Variants in CATSPERD observed in about 807,000 individuals in gnomAD.
The protein encoded by CATSPERD is catsper channel auxiliary subunit delta, also known as cation channel sperm-associated auxiliary subunit delta.
In CATSPERD, 86 loss-of-function variants were observed where a neutral mutation model predicts 98.1. The ratio of observed to expected loss-of-function variants is 0.88; its 90% CI spans 0.74 to 1.05. CATSPERD has a LOEUF of 1.05. Ranked by LOEUF, CATSPERD falls within the 50% of genes least tolerant of loss-of-function variation. The pLI, the probability that CATSPERD is intolerant of heterozygous loss-of-function variation, is 0.00. For missense variants in CATSPERD, 995 were observed against 1,005.7 expected, an observed-to-expected ratio of 0.99 and a Z score of 0.14; for synonymous variants, 394 against 390.2, an observed-to-expected ratio of 1.01 and a Z score of -0.12.
intron 7 of CATSPERD, among the ~76,000 whole-genome samples, chr19:5,743,456 A>G (rs1194310303): frequency 6.6e-6 from 1 of 151,162 alleles, no homozygotes; most frequent in Non-Finnish European, 1.5e-5. Context: ...AAATTAGCCA[A>G]ATATGGTGGC....
intron 16 of CATSPERD, among the ~76,000 whole-genome samples, chr19:5,763,495 C>G (rs2056481591): frequency 6.6e-6 from 1 of 152,170 alleles, no homozygotes; most frequent in African/African-American, 2.4e-5. Context: ...TGGATGCATG[C>G]TTCCACATGG....
chr19:5,757,967 C>CAAGGGACAGGCGA, intron 14 of CATSPERD, 35 bp downstream of exon 14: 1 of 1,550,232 alleles, frequency 6.5e-7, no homozygotes, highest in Non-Finnish European at 8.8e-7. Flanking sequence ...TGTCGCCTGT[C>CAAGGGACAGGCGA]CCTTGAGAGG....
intron 1 of CATSPERD, among the ~76,000 whole-genome samples, chr19:5,721,492 C>A (rs1239526407): frequency 2.0e-5 from 3 of 152,086 alleles, no homozygotes; most frequent in Non-Finnish European, 4.4e-5. Context: ...TTAGTGCATA[C>A]TCCAACCTGC....
intron 9 of CATSPERD, among the ~76,000 whole-genome samples, chr19:5,746,723 A>G (rs778466234): frequency 6.6e-6 from 1 of 151,652 alleles, no homozygotes; most frequent in Non-Finnish European, 1.5e-5. Flanking sequence ...GTGAGCCACC[A>G]CGCCCAGCCA....
chr19:5,776,706 T>C (rs2144706429), intron 21 of CATSPERD, among the ~76,000 whole-genome samples: 1 of 152,152 alleles, frequency 6.6e-6, no homozygotes, highest in Non-Finnish European at 1.5e-5. Context: ...AAACCCCGTC[T>C]CTACTGAAAA....
chr19:5,732,972 C>T (rs115075761), intron 4 of CATSPERD, among the ~76,000 whole-genome samples: 9,134 of 151,522 alleles, frequency 0.06, 407 homozygotes, highest in African/African-American at 0.12. Flanking sequence ...CCACCATGCT[C>T]GGCCATAAAT....
At position 5,729,909 on chromosome 19, in the gene CATSPERD, AGTCTC is replaced by A. The variant is rs1252223243; in HGVS notation, c.242_246del (p.Ser81ThrfsTer38). ...TTTCACAATGGATAACTTTGAGACT[AGTCTC>A]CTTCCATTTACCATCCCTACATCAA... On this transcript the variant is annotated frameshift_variant, in exon 4 of 22. Transcript: ENST00000381624. LOFTEE classifies it high-confidence loss of function. The A allele has an allele frequency of 3.8e-6, 6 of 1,599,276 alleles. No individual in the cohort carries two copies. The African/African-American group carries it at 8.0e-5, about 21-fold the overall frequency.
In CATSPERD at chr19:5,729,861, GT is replaced by G; in HGVS notation, c.204-8del. The G allele has an allele frequency of 6.6e-7, 1 of 1,504,146 alleles. No individual in the cohort carries two copies. Among genetic ancestry groups the G allele is most frequent in the Non-Finnish European group, 9.2e-7 (1 of 1,089,362 alleles). 93.2% of individuals were successfully genotyped at this position (1,504,146 alleles called of 1,614,324 possible). ...ATTATCCTAATTTAACTTATTTATT[GT>G]TTATTTCAGGAAACAAGTTTTTTTC... On this transcript the variant is annotated splice_polypyrimidine_tract_variant and intron_variant, in intron 3 of 21. Transcript: ENST00000381624.
intron 18 of CATSPERD, among the ~76,000 whole-genome samples, chr19:5,770,611 T>C (rs2056626064): frequency 6.6e-6 from 1 of 151,630 alleles, no homozygotes; most frequent in African/African-American, 2.4e-5. Context: ...CAAGACCTCA[T>C]CTCTACAAAA....
At chr19:5,720,950 C>T (rs896912337) in intron 1 of CATSPERD, 142 bp downstream of exon 1, 22 of 612,904 alleles carry the variant, frequency 3.6e-5, no homozygotes, top group African/African-American at 2.8e-4. Flanking sequence ...ACGCCTCGCT[C>T]ACCCTACTCC....
At chr19:5,770,506 C>T (rs1219382227) in intron 18 of CATSPERD, among the ~76,000 whole-genome samples, 1 of 151,316 alleles carries the variant, frequency 6.6e-6, no homozygotes, top group Non-Finnish European at 1.5e-5. Context: ...TTTTGCTGGG[C>T]TTGGTGGCTT....
chr19:5,761,854 T>C (rs1329440831), intron 15 of CATSPERD, among the ~76,000 whole-genome samples: 1 of 150,962 alleles, frequency 6.6e-6, no homozygotes, highest in Non-Finnish European at 1.5e-5. Context: ...AGTTCCCGAG[T>C]AGCTGGGACT....
At chr19:5,739,478 A>G (rs1318497405) in intron 7 of CATSPERD, 39 bp downstream of exon 7, 2 of 1,146,704 alleles carry the variant, frequency 1.7e-6, no homozygotes, top group Non-Finnish European at 2.6e-6. Context: ...ATAAATACAT[A>G]TGTACCTTGT....
intron 17 of CATSPERD, 95 bp from the exon 18 acceptor site, chr19:5,768,073 G>C (rs1599588434): frequency 1.8e-6 from 2 of 1,125,828 alleles, no homozygotes; most frequent in Non-Finnish European, 2.6e-6. Flanking sequence ...CTGGGCCTGA[G>C]CCACCACGCC....
rs930686286 is a variant in CATSPERD, at chr19:5,763,089, G to A, written c.1428-126G>A. On this transcript the variant is annotated intron_variant, in intron 15 of 21. Coordinates refer to ENST00000381624, the MANE Select transcript of CATSPERD (RefSeq NM_152784.4). ...GGATGGGTGGGTGGAATGAATGGAT[G>A]GAAGGATGGATGAGATGGATGGATG... 17 of 689,234 alleles carry A rather than the reference G, an allele frequency of 2.5e-5. No homozygotes were observed. The African/African-American group carries it at 2.7e-4, about 11-fold the overall frequency. The allele number at this position is 689,234 out of a possible 1,614,324, so 42.7% of individuals were successfully genotyped here.
intron 20 of CATSPERD, among the ~76,000 whole-genome samples, chr19:5,775,812 A>C (rs991494784): frequency 2.6e-5 from 4 of 152,144 alleles, no homozygotes; most frequent in Non-Finnish European, 1.5e-5. Context: ...GACCGCCCTC[A>C]GCATTCCTTC....
rs2055864935 is a variant in CATSPERD at position 5,737,220 on chromosome 19, A to G, written c.459+15A>G. The G allele has an allele frequency of 6.4e-7, 1 of 1,562,686 alleles. No homozygotes were observed. Among genetic ancestry groups the G allele is most frequent in the African/African-American group, 1.4e-5 (1 of 73,780 alleles). ...TGTTTTGTGTGGTAAGTATAAGTGT[A>G]TAATTGTTCATTTTTTTTTGCTCTC... On this transcript the variant is annotated intron_variant, in intron 6 of 21. Transcript: ENST00000381624.
At chr19:5,763,376 C>T (rs1411127885) in intron 16 of CATSPERD, 83 bp downstream of exon 16, 11 of 1,104,260 alleles carry the variant, frequency 1.0e-5, no homozygotes, top group Non-Finnish European at 1.5e-5. Context: ...TTGCAATGAG[C>T]TGAGATAGTG....
In CATSPERD at chr19:5,748,277, A is replaced by G. The variant is rs939690694; in HGVS notation, c.904+22A>G. On this transcript the variant is annotated intron_variant, in intron 10 of 21. Coordinates refer to ENST00000381624, the MANE Select transcript of CATSPERD (RefSeq NM_152784.4). The stretch of plus-strand genomic sequence containing the variant: ...GTCAGTGCGTAGCCGACCCACTGCT[A>G]GCCAAGAAATATTTAGACCTGGCTT... 3.1e-6 allele frequency: 5 copies of G among 1,603,796 alleles called. No individual in the cohort carries two copies. The African/African-American group carries it at 4.0e-5, about 13-fold the overall frequency.
Sources: gnomAD v4.1 joint callset for allele counts (sites outside exome capture counted in the v4.1 genomes callset) on GRCh38, gnomAD v4.1.1 for gene constraint, MANE v1.5 for transcripts, NCBI Gene and HGNC (gene_info 2026-07-23, HGNC 2026-07-21) for gene names.